ASIC2: variants seen among roughly 807,000 people sequenced by gnomAD.
ASIC2 encodes the protein acid sensing ion channel subunit 2, also known as acid-sensing ion channel 2.
ASIC2 carries 25 observed loss-of-function variants against 57.3 expected under a neutral mutation model. The ratio of observed to expected loss-of-function variants is 0.44; its 90% CI spans 0.32 to 0.61. The LOEUF is 0.61. Among genes scored for constraint, ASIC2 ranks in the 20% least tolerant of loss-of-function variants. The probability of loss-of-function intolerance (pLI) is 0.06; values close to 1 mark genes in which losing one functional copy is unlikely to be tolerated. For missense variants in ASIC2, 641 were observed against 738.1 expected (o/e 0.87, Z 1.52); for synonymous variants, 319 against 307.5 (o/e 1.04, Z -0.39).
chr17:33,053,278 C>A (rs1936250436), intron 3 of ASIC2, among the ~76,000 whole-genome samples: 1 of 152,204 alleles, frequency 6.6e-6, no homozygotes, highest in Admixed American at 6.5e-5. Flanking sequence ...CTTCTATTAA[C>A]TACATAGCAC....
intron 1 of ASIC2, among the ~76,000 whole-genome samples, chr17:33,142,987 T>G (rs1354599486): frequency 6.6e-6 from 1 of 152,116 alleles, no homozygotes; most frequent in Non-Finnish European, 1.5e-5. Context: ...TTCTTCCACA[T>G]ATAAACCAAA....
intron 1 of ASIC2, among the ~76,000 whole-genome samples, chr17:33,847,697 G>C (rs1357943111): frequency 2.0e-5 from 3 of 152,140 alleles, no homozygotes; most frequent in East Asian, 3.9e-4. Flanking sequence ...AATTGAATGA[G>C]AGCATGCCTG....
chr17:33,774,729 G>T (rs1294990763), intron 1 of ASIC2, among the ~76,000 whole-genome samples: 1 of 152,202 alleles, frequency 6.6e-6, no homozygotes, highest in East Asian at 1.9e-4. Flanking sequence ...CACTCAAAAT[G>T]ACTAGAATTC....
intron 1 of ASIC2, among the ~76,000 whole-genome samples, chr17:34,091,612 C>T (rs1910334200): frequency 6.6e-6 from 1 of 152,122 alleles, no homozygotes; most frequent in African/African-American, 2.4e-5. Flanking sequence ...TGGTGAGATC[C>T]CACCACCACT....
chr17:33,995,185 G>C (rs1174493931), intron 1 of ASIC2, among the ~76,000 whole-genome samples: 2 of 152,118 alleles, frequency 1.3e-5, no homozygotes, highest in African/African-American at 4.8e-5. Flanking sequence ...AGCATGGCAG[G>C]GAGATTTTAT....
chr17:34,083,814 T>C (rs1346896345), intron 1 of ASIC2, among the ~76,000 whole-genome samples: 3 of 152,264 alleles, frequency 2.0e-5, no homozygotes, highest in Non-Finnish European at 4.4e-5. Flanking sequence ...GCTGCATAAA[T>C]GTCTTCTTTC....
intron 1 of ASIC2, among the ~76,000 whole-genome samples, chr17:33,733,774 C>T (rs1018854942): frequency 2.6e-5 from 4 of 152,174 alleles, no homozygotes; most frequent in African/African-American, 9.7e-5. Context: ...ACAGTAGTTA[C>T]CCTCGCTCCC....
intron 1 of ASIC2, among the ~76,000 whole-genome samples, chr17:33,494,997 C>G (rs1000421010): frequency 6.6e-5 from 10 of 152,184 alleles, no homozygotes; most frequent in Middle Eastern, 3.2e-3. Flanking sequence ...CTAAGTCTGA[C>G]TGTGCATCAG....
chr17:33,523,116 G>A (rs73983945), intron 1 of ASIC2, among the ~76,000 whole-genome samples: 18,437 of 152,182 alleles, frequency 0.12, 1,185 homozygotes, highest in Non-Finnish European at 0.14. Context: ...TTTTCTCTTC[G>A]TTCTGTGATG....
intron 1 of ASIC2, among the ~76,000 whole-genome samples, chr17:33,228,001 C>T (rs956525429): frequency 3.3e-5 from 5 of 152,080 alleles, no homozygotes; most frequent in Non-Finnish European, 7.4e-5. Context: ...TGGGGTCCAG[C>T]AGATAGGTAG....
chr17:33,745,528 AT>A (rs1341390201), intron 1 of ASIC2, among the ~76,000 whole-genome samples: 1 of 151,506 alleles, frequency 6.6e-6, no homozygotes, highest in East Asian at 1.9e-4. Flanking sequence ...AAAAAAAAAA[AT>A]CTTAAAAGCA....
intron 1 of ASIC2, among the ~76,000 whole-genome samples, chr17:33,199,493 C>G (rs1597626347): frequency 6.6e-6 from 1 of 152,156 alleles, no homozygotes; most frequent in African/African-American, 2.4e-5. Context: ...TACACAAACT[C>G]TCTTAGCTTT....
chr17:33,938,253 C>A (rs1288270860), intron 1 of ASIC2, among the ~76,000 whole-genome samples: 1 of 152,122 alleles, frequency 6.6e-6, no homozygotes, highest in East Asian at 1.9e-4. Flanking sequence ...GGGCCAGCAC[C>A]AGAGCCCCTG....
intron 2 of ASIC2, among the ~76,000 whole-genome samples, chr17:33,110,622 C>A (rs189133547): frequency 2.0e-5 from 3 of 152,254 alleles, no homozygotes; most frequent in East Asian, 1.9e-4. Context: ...GTCCCTGCAA[C>A]GGGGTGTTCG....
intron 1 of ASIC2, among the ~76,000 whole-genome samples, chr17:33,683,814 G>A (rs946645766): frequency 1.6e-4 from 24 of 152,094 alleles, no homozygotes; most frequent in African/African-American, 3.1e-4. Context: ...ACTGTGCCCC[G>A]TCTCCCCTTT....
At chr17:33,876,995 C>T (rs1196071975) in intron 1 of ASIC2, among the ~76,000 whole-genome samples, 2 of 152,190 alleles carry the variant, frequency 1.3e-5, no homozygotes, top group African/African-American at 4.8e-5. Flanking sequence ...TGTGCTTTGC[C>T]ACAGCAAACA....
At chr17:33,357,911 G>T (rs1329549440) in intron 1 of ASIC2, among the ~76,000 whole-genome samples, 3 of 152,170 alleles carry the variant, frequency 2.0e-5, no homozygotes, top group African/African-American at 7.2e-5. Context: ...AGAGTCACTT[G>T]CTTTCTTAAA....
intron 1 of ASIC2, among the ~76,000 whole-genome samples, chr17:33,546,356 G>A (rs1042357505): frequency 6.6e-6 from 1 of 151,974 alleles, no homozygotes; most frequent in Non-Finnish European, 1.5e-5. Context: ...ACCTTCGATT[G>A]CAGCATCTTT....
chr17:33,328,223 C>T (rs1165462296), intron 1 of ASIC2, among the ~76,000 whole-genome samples: 5 of 152,264 alleles, frequency 3.3e-5, no homozygotes, highest in South Asian at 4.1e-4. Context: ...CTTGAAATGA[C>T]ATCCATCGTG....
Sources: gnomAD v4.1 joint callset for allele counts (sites outside exome capture counted in the v4.1 genomes callset) on GRCh38, gnomAD v4.1.1 for gene constraint, MANE v1.5 for transcripts, NCBI Gene and HGNC (gene_info 2026-07-23, HGNC 2026-07-21) for gene names.